CEP85L: variants seen among roughly 807,000 people sequenced by gnomAD.
CEP85L encodes centrosomal protein of 85 kDa-like.
In CEP85L, 60 loss-of-function variants were observed where a neutral mutation model predicts 100.3. That is an observed-to-expected ratio of 0.60 (90% confidence interval 0.49 to 0.74). The LOEUF (loss-of-function observed/expected upper bound fraction) is 0.74. Among genes scored for constraint, CEP85L ranks in the 30% least tolerant of loss-of-function variants. CEP85L has a pLI of 0.00. For missense variants in CEP85L, 973 were observed against 936.2 expected (o/e 1.04, Z -0.51); for synonymous variants, 319 against 322.7 (o/e 0.99, Z 0.12).
At position 118,566,273 on chromosome 6, in the gene CEP85L, T is replaced by C. The variant is rs188595025; in HGVS notation, c.276A>G (p.Gln92=). ...SSGTLSFKPS[Q]SLITLPTAHV... is the part of the protein sequence containing the mutation. ...GGGCAGTAGGAAGAGTAATCAATGA[T>C]TGACTAGGCTTAAAAGATAATGTGC... Residue 92 remains glutamine (Q), a synonymous_variant, in exon 3 of 13, where the codon CAA becomes CAG. Coordinates refer to ENST00000368491, the MANE Select transcript of CEP85L (RefSeq NM_001042475.3). The C allele has an allele frequency of 4.9e-5, 79 of 1,614,010 alleles. No homozygotes were observed. The highest frequency in any genetic ancestry group is 3.0e-4 in the Admixed American group (18 of 60,004).
intron 2 of CEP85L, among the ~76,000 whole-genome samples, chr6:118,599,903 A>C (rs1019572952): frequency 6.6e-6 from 1 of 152,212 alleles, no homozygotes; most frequent in Non-Finnish European, 1.5e-5. Context: ...TAGGAAGAGA[A>C]TGAGAAACCG....
At chr6:118,695,411 T>C (rs1777172871) in intron 1 of CEP85L, among the ~76,000 whole-genome samples, 1 of 152,238 alleles carries the variant, frequency 6.6e-6, no homozygotes, top group Non-Finnish European at 1.5e-5. Flanking sequence ...CATTTTTTGG[T>C]TGATATTTCA....
chr6:118,652,950 A>G (rs1350043553), upstream of CEP85L: 5 of 506,186 alleles, frequency 9.9e-6, no homozygotes, highest in East Asian at 3.3e-5. Context: ...AGCAGAAGCT[A>G]TAGCACTATG....
intron 3 of CEP85L, among the ~76,000 whole-genome samples, chr6:118,528,129 C>G (rs1013887527): frequency 2.0e-5 from 3 of 152,014 alleles, no homozygotes; most frequent in Non-Finnish European, 4.4e-5. Flanking sequence ...GACATTAACA[C>G]TATTTTACTC....
chr6:118,578,546 A>G (rs1780378113), intron 2 of CEP85L, among the ~76,000 whole-genome samples: 1 of 152,058 alleles, frequency 6.6e-6, no homozygotes, highest in Admixed American at 6.6e-5. Context: ...CCCAGCCAAC[A>G]TGGTGAAACT....
chr6:118,657,107 G>A (rs1437055289), upstream of CEP85L: 1 of 152,272 alleles, frequency 6.6e-6, no homozygotes, highest in East Asian at 1.9e-4. Flanking sequence ...TTCCAGAAAA[G>A]CCAACTGACA....
rs1013727058 is a variant in CEP85L, at chr6:118,610,661, A to G, written c.232+21792T>C. ...TATCACCACCTGGCAATAAGGAGACAGTGCCCCATAACTTTCAACTACAAG... is the reference window on the plus strand; with the variant it reads ...TATCACCACCTGGCAATAAGGAGACGGTGCCCCATAACTTTCAACTACAAG... On this transcript the variant is annotated intron_variant, in intron 2 of 12. Transcript: ENST00000368491. 2.6e-5 allele frequency among the ~76,000 whole-genome samples: 4 copies of G among 152,316 alleles called. No individual in the cohort carries two copies. In the East Asian group the frequency reaches 5.8e-4, roughly 22 times the overall value.
chr6:118,687,753 C>T (rs1562359784), intron 1 of CEP85L, among the ~76,000 whole-genome samples: 2 of 152,140 alleles, frequency 1.3e-5, no homozygotes, highest in African/African-American at 4.8e-5. Context: ...TTTTGCTCGC[C>T]GTCCACCACT....
intron 1 of CEP85L, among the ~76,000 whole-genome samples, chr6:118,633,584 C>A (rs1042409527): frequency 7.9e-5 from 12 of 152,274 alleles, no homozygotes; most frequent in African/African-American, 2.9e-4. Context: ...TCCACTTACT[C>A]ACTTTTACTT....
intron 3 of CEP85L, among the ~76,000 whole-genome samples, chr6:118,527,285 A>G (rs1052345067): frequency 1.3e-5 from 2 of 151,998 alleles, no homozygotes; most frequent in African/African-American, 4.8e-5. Context: ...GATTACAGGC[A>G]TGAGCCACCG....
intron 5 of CEP85L, chr6:118,502,437 A>T (rs1775366431): frequency 3.8e-6 from 2 of 529,008 alleles, no homozygotes; most frequent in South Asian, 3.2e-5. Context: ...AGAGTTGGAG[A>T]TATCACCTGA....
chr6:118,540,754 TTAAATAAATAAATAAATAAATAAATAAA>T (rs72219779), intron 3 of CEP85L, among the ~76,000 whole-genome samples: 2 of 147,620 alleles, frequency 1.4e-5, no homozygotes, highest in African/African-American at 5.0e-5. Flanking sequence ...AGACCCCATC[TTAAATAAATAAATAAATAAATAAATAAA>T]TAAATAAATA....
chr6:118,559,172 C>A lies in CEP85L; in HGVS notation c.1020+6357G>T. ...CAGGAAAACAATATTGTATAACAGA[C>A]CACTTCCTGAGTAGAAGAGTTTCTT... On this transcript the variant is annotated intron_variant, in intron 3 of 12. Coordinates refer to ENST00000368491, the MANE Select transcript of CEP85L (RefSeq NM_001042475.3). 7 of 925,778 alleles carry A rather than the reference C, an allele frequency of 7.6e-6. No homozygotes were observed. The South Asian group carries it at 7.8e-5, about 10-fold the overall frequency. The allele number at this position is 925,778 out of a possible 1,614,324, so 57.3% of individuals were successfully genotyped here.
At chr6:118,505,575 G>A (rs1775604309) in intron 5 of CEP85L, among the ~76,000 whole-genome samples, 1 of 152,058 alleles carries the variant, frequency 6.6e-6, no homozygotes, top group African/African-American at 2.4e-5. Flanking sequence ...ATCAAGCCAT[G>A]AAAAGATATA....
intron 3 of CEP85L, among the ~76,000 whole-genome samples, chr6:118,547,506 T>A (rs1159593789): frequency 2.0e-5 from 3 of 152,116 alleles, no homozygotes; most frequent in African/African-American, 7.2e-5. Context: ...AAAGTTGCCC[T>A]TAATACTGCA....
At chr6:118,611,826 CCAAA>C (rs922261291) in intron 2 of CEP85L, among the ~76,000 whole-genome samples, 3 of 152,210 alleles carry the variant, frequency 2.0e-5, no homozygotes, top group African/African-American at 7.2e-5. Context: ...TGTCTACACA[CCAAA>C]CAATGTGGCT....
intron 1 of CEP85L, among the ~76,000 whole-genome samples, chr6:118,645,803 A>G (rs931114887): frequency 6.6e-6 from 1 of 152,272 alleles, no homozygotes; most frequent in African/African-American, 2.4e-5. Flanking sequence ...TACAATGTCT[A>G]GCACACCATA....
chr6:118,527,109 G>C (rs1777020829), intron 3 of CEP85L, among the ~76,000 whole-genome samples: 1 of 149,776 alleles, frequency 6.7e-6, no homozygotes, highest in Non-Finnish European at 1.5e-5. Context: ...CTGCCTCCTG[G>C]GTTCAAGCGA....
chr6:118,634,259 T>A (rs1774350639), intron 1 of CEP85L, among the ~76,000 whole-genome samples: 1 of 152,006 alleles, frequency 6.6e-6, no homozygotes, highest in African/African-American at 2.4e-5. Context: ...CCAGTTTTTT[T>A]AACCACACTT....
Sources: gnomAD v4.1 joint callset for allele counts (sites outside exome capture counted in the v4.1 genomes callset) on GRCh38, gnomAD v4.1.1 for gene constraint, MANE v1.5 for transcripts, NCBI Gene and HGNC (gene_info 2026-07-23, HGNC 2026-07-21) for gene names.